The following TPPP variants were observed in gnomAD, a reference collection of about 807,000 sequenced individuals.
TPPP encodes the protein tubulin polymerization-promoting protein.
In TPPP, 6 loss-of-function variants were observed where a neutral mutation model predicts 15.5. The observed-to-expected ratio is 0.39, with a 90% CI of 0.21 to 0.77. The LOEUF is 0.77. Ranked by LOEUF, TPPP falls within the 30% of genes least tolerant of loss-of-function variation. TPPP has a pLI of 0.42. For missense variants in TPPP, 269 were observed against 307.2 expected (o/e 0.88, Z 0.93); for synonymous variants, 146 against 133.9 (o/e 1.09, Z -0.63).
At chr5:674,529 C>G (rs1740338068) in intron 2 of TPPP, among the ~76,000 whole-genome samples, 1 of 152,144 alleles carries the variant, frequency 6.6e-6, no homozygotes, top group Non-Finnish European at 1.5e-5. Flanking sequence ...AGAGTGAGTT[C>G]TGGGCTCAGG....
rs1444215136 is a variant in TPPP, at chr5:661,047, G to C, written c.*4055C>G. The C allele has an allele frequency of 6.6e-6, 1 of 152,332 alleles. No homozygotes were observed. Among genetic ancestry groups the C allele is most frequent in the East Asian group, 1.9e-4 (1 of 5,330 alleles). 9.4% of individuals were successfully genotyped at this position (152,332 alleles called of 1,614,324 possible). ...TTAATTTTGGTAACGCTAATTGTTA[G>C]GAACACTACCTGGTTGCTTATCCTA... On this transcript the variant is annotated 3_prime_UTR_variant, in exon 4 of 4. Coordinates refer to ENST00000360578, the MANE Select transcript of TPPP (RefSeq NM_007030.3).
intron 1 of TPPP, among the ~76,000 whole-genome samples, chr5:680,788 AGTTTT>A (rs1740600676): frequency 1.3e-5 from 2 of 152,160 alleles, no homozygotes; most frequent in Non-Finnish European, 2.9e-5. Flanking sequence ...AGGTTCTTGT[AGTTTT>A]GTTTTACCTC....
At chr5:677,608 G>T in intron 2 of TPPP, 142 bp downstream of exon 2, 1 of 728,276 alleles carries the variant, frequency 1.4e-6, no homozygotes, top group Non-Finnish European at 2.1e-6. Flanking sequence ...CCCATGTCAG[G>T]GCTGCTTCTG....
chr5:669,040 AAAG>A (rs1406105510), intron 2 of TPPP, among the ~76,000 whole-genome samples: 1 of 152,236 alleles, frequency 6.6e-6, no homozygotes, highest in Non-Finnish European at 1.5e-5. Context: ...GCGCTGAGCC[AAAG>A]AAGAAATCGC....
chr5:694,461 C>T (rs1283499032), upstream of TPPP, among the ~76,000 whole-genome samples: 59 of 125,256 alleles, frequency 4.7e-4, no homozygotes, highest in Middle Eastern at 4.3e-3. Flanking sequence ...GCCCTGGAAT[C>T]CGCAAAGGCA....
In TPPP at chr5:660,971, T is replaced by C. The variant is rs1027418868; in HGVS notation, c.*4131A>G. ...AGGATATTAGAAGGTGTAAAAGTAG[T>C]CCAGTATAAATATATATCTTCTACA... On this transcript the variant is annotated 3_prime_UTR_variant, in exon 4 of 4. Transcript: ENST00000360578. The C allele has an allele frequency of 3.3e-5, 5 of 152,258 alleles. No individual in the cohort carries two copies. The highest frequency in any genetic ancestry group is 1.2e-4 in the African/African-American group (5 of 41,452). The allele number at this position is 152,258 out of a possible 1,614,324, so 9.4% of individuals were successfully genotyped here.
intron 2 of TPPP, chr5:666,724 A>T (rs1363067323): frequency 6.6e-6 from 1 of 152,654 alleles, no homozygotes; most frequent in Non-Finnish European, 1.5e-5. Flanking sequence ...TGGTCACACA[A>T]CACGCCACAT....
intron 2 of TPPP, among the ~76,000 whole-genome samples, chr5:673,396 AGAG>A (rs1415552935): frequency 6.6e-6 from 1 of 151,082 alleles, no homozygotes; most frequent in Non-Finnish European, 1.5e-5. Context: ...AGGGTGGGAG[AGAG>A]GAGGAGGTGG....
intron 2 of TPPP, among the ~76,000 whole-genome samples, chr5:672,697 G>A (rs558558333): frequency 3.3e-5 from 5 of 152,338 alleles, no homozygotes; most frequent in Middle Eastern, 3.4e-3. Context: ...TGGGAGATTC[G>A]CTGTCCATGG....
intron 2 of TPPP, among the ~76,000 whole-genome samples, chr5:669,491 C>T (rs903880359): frequency 2.6e-5 from 4 of 152,092 alleles, no homozygotes; most frequent in African/African-American, 7.3e-5. Context: ...GCCCTTGGGG[C>T]CTCTGTCTGT....
intron 1 of TPPP, among the ~76,000 whole-genome samples, chr5:688,934 A>AG (rs2126914524): frequency 8.7e-6 from 1 of 114,858 alleles, no homozygotes; most frequent in Admixed American, 8.5e-5. Context: ...CCCTGGGCTC[A>AG]GGGGGAGGGG....
chr5:697,609 G>A (rs191746918), upstream of TPPP, among the ~76,000 whole-genome samples: 197 of 152,042 alleles, frequency 1.3e-3, no homozygotes, highest in African/African-American at 4.3e-3. Context: ...CTGTAAAGCC[G>A]AGATGGCTCC....
chr5:697,277 G>T (rs439737), upstream of TPPP, among the ~76,000 whole-genome samples: 103 of 133,696 alleles, frequency 7.7e-4, 4 homozygotes, highest in African/African-American at 2.7e-3. Context: ...CTGATGAGGA[G>T]GGGAAGCCAA....
intron 2 of TPPP, among the ~76,000 whole-genome samples, chr5:669,328 C>T (rs866424108): frequency 4.5e-4 from 69 of 152,166 alleles, no homozygotes; most frequent in African/African-American, 1.4e-3. Context: ...TGGGGGTCCG[C>T]GGTGTTGGGG....
chr5:675,636 C>T (rs536162661), intron 2 of TPPP, among the ~76,000 whole-genome samples: 20 of 151,904 alleles, frequency 1.3e-4, no homozygotes, highest in African/African-American at 4.1e-4. Flanking sequence ...GCCAGAGGTG[C>T]AGGCTGTTGG....
At chr5:673,613 C>G (rs1237191681) in intron 2 of TPPP, among the ~76,000 whole-genome samples, 2 of 152,198 alleles carry the variant, frequency 1.3e-5, no homozygotes, top group Non-Finnish European at 2.9e-5. Context: ...GGGTCTCAGC[C>G]TCAACCCCTC....
chr5:693,931 G>A (rs145000442), upstream of TPPP, among the ~76,000 whole-genome samples: 24,930 of 129,610 alleles, frequency 0.19, 1,829 homozygotes, highest in East Asian at 0.26. Flanking sequence ...CCAGGTGGGG[G>A]CAGCGCGGCC....
At chr5:693,637 G>T (rs1368225713), upstream of TPPP, among the ~76,000 whole-genome samples, 105 of 151,814 alleles carry the variant, frequency 6.9e-4, no homozygotes, top group Non-Finnish European at 7.4e-4. Flanking sequence ...GCTGGGCAGG[G>T]GGCGGCGGGG....
In TPPP at chr5:677,809, C is replaced by T; in HGVS notation, c.252G>A (p.Gln84=). The T allele has an allele frequency of 1.2e-6, 2 of 1,605,702 alleles. No homozygotes were observed. Among genetic ancestry groups the T allele is most frequent in the Non-Finnish European group, 1.7e-6 (2 of 1,174,812 alleles). The change falls in exon 2 of 4, where the codon CAG becomes CAA. Residue 84 remains glutamine (Q), a synonymous_variant. Coordinates refer to ENST00000360578, the MANE Select transcript of TPPP (RefSeq NM_007030.3). ...CGGTCACGTTCCTGCCGTCGATCAC[C>T]TGGCAGTCCTTGCACAGCTTCGACC... The part of the protein sequence containing the change: ...KNWSKLCKDC[Q]VIDGRNVTVT...
Sources: allele counts gnomAD v4.1 joint callset (sites outside exome capture counted in the v4.1 genomes callset), GRCh38; gene constraint gnomAD v4.1.1; transcripts MANE v1.5; gene names NCBI Gene and HGNC (gene_info 2026-07-23, HGNC 2026-07-21).